ARSG: variants seen among roughly 807,000 people sequenced by gnomAD.
ARSG encodes arylsulfatase G.
In ARSG, 37 loss-of-function variants were observed where a neutral mutation model predicts 50.5. The ratio of observed to expected loss-of-function variants is 0.73; its 90% CI spans 0.56 to 0.96. The LOEUF (loss-of-function observed/expected upper bound fraction) is 0.96, where lower values mean the gene tolerates loss of function less well. Ranked by LOEUF, ARSG falls within the 50% of genes least tolerant of loss-of-function variation. ARSG has a pLI of 0.00. For missense variants in ARSG, 629 were observed against 675.3 expected (o/e 0.93, Z 0.76); for synonymous variants, 225 against 254.6 (o/e 0.88, Z 1.11).
chr17:68,318,542 G>A (rs2077160813), intron 2 of ARSG, among the ~76,000 whole-genome samples: 2 of 152,236 alleles, frequency 1.3e-5, no homozygotes. Context: ...CCCAGTGATC[G>A]TGAGAGAGAG....
At chr17:68,324,463 G>A (rs536849554) in intron 2 of ARSG, among the ~76,000 whole-genome samples, 2 of 152,148 alleles carry the variant, frequency 1.3e-5, no homozygotes, top group Non-Finnish European at 2.9e-5. Context: ...CCTGCGGACC[G>A]GCCCAGCTCC....
intron 2 of ARSG, among the ~76,000 whole-genome samples, chr17:68,336,104 G>A (rs1441015299): frequency 1.3e-5 from 2 of 151,342 alleles, no homozygotes; most frequent in Admixed American, 1.3e-4. Flanking sequence ...TCACTACGTT[G>A]GCCAGGATGG....
chr17:68,265,477 G>C (rs1260650650), intron 1 of ARSG, among the ~76,000 whole-genome samples: 1 of 152,228 alleles, frequency 6.6e-6, no homozygotes, highest in East Asian at 1.9e-4. Context: ...CTGGGCGACA[G>C]AGCAAGACTC....
intron 6 of ARSG, among the ~76,000 whole-genome samples, chr17:68,362,877 A>G (rs2079363442): frequency 6.6e-6 from 1 of 152,072 alleles, no homozygotes; most frequent in Non-Finnish European, 1.5e-5. Flanking sequence ...GAGGGTGGAA[A>G]TCATATCTAT....
Position 68,420,175 on chromosome 17 carries a change from C to T in ARSG, c.1304-14C>T. 6.2e-7 allele frequency: 1 copy of T among 1,612,552 alleles called. No individual in the cohort carries two copies. Among genetic ancestry groups the T allele is most frequent in the Non-Finnish European group, 8.5e-7 (1 of 1,179,316 alleles). On this transcript the variant is annotated splice_polypyrimidine_tract_variant and intron_variant, in intron 11 of 11. Transcript: ENST00000621439. ...TCAGGGTTAGCGAGGCATTTGTTGT[C>T]ATTCCCTCTCTAGGTGGAGCCAGGG...
At chr17:68,426,981 G>A (rs1009739723), downstream of ARSG, among the ~76,000 whole-genome samples, 6 of 152,050 alleles carry the variant, frequency 3.9e-5, no homozygotes, top group African/African-American at 1.4e-4. Context: ...TTCAAGGAGA[G>A]CACTCCACCC....
chr17:68,340,974 G>A lies in ARSG; in HGVS notation c.219-2630G>A, dbSNP rs778059509. 2.2e-4 allele frequency among the ~76,000 whole-genome samples: 34 copies of A among 151,806 alleles called. 1 individual carries two copies. The highest frequency in any genetic ancestry group is 4.0e-4 in the Non-Finnish European group (27 of 67,926). ...CTTTACCTTTTACCCTGGAAATCTC[G>A]GTTCCTGATTAGGAACATTAATATA... On this transcript the variant is annotated intron_variant, in intron 2 of 11. Transcript: ENST00000621439.
intron 5 of ARSG, among the ~76,000 whole-genome samples, chr17:68,353,522 AAAAC>A (rs996220042): frequency 6.6e-6 from 1 of 152,104 alleles, no homozygotes; most frequent in African/African-American, 2.4e-5. Flanking sequence ...TCAAAAAACA[AAAAC>A]AAAAACAAAA....
chr17:68,421,742 G>T (rs201066118), downstream of ARSG: 326 of 1,614,086 alleles, frequency 2.0e-4, no homozygotes, highest in Middle Eastern at 2.1e-3. Context: ...CTGATAGGGG[G>T]GATGTCCTGA....
chr17:68,350,646 G>A (rs1455852900), intron 4 of ARSG, among the ~76,000 whole-genome samples: 14 of 152,182 alleles, frequency 9.2e-5, no homozygotes, highest in Middle Eastern at 3.4e-3. Flanking sequence ...TTAGCCGGGC[G>A]TGGTGGCACG....
chr17:68,355,108 G>C (rs2078973581), intron 5 of ARSG, among the ~76,000 whole-genome samples: 1 of 152,194 alleles, frequency 6.6e-6, no homozygotes, highest in South Asian at 2.1e-4. Flanking sequence ...CCAGGACTGA[G>C]AGCTTGAGAT....
chr17:68,406,675 C>T (rs1008181710), intron 11 of ARSG, among the ~76,000 whole-genome samples: 2 of 152,048 alleles, frequency 1.3e-5, no homozygotes, highest in African/African-American at 4.8e-5. Flanking sequence ...CATTTGTATA[C>T]TTTTGAGGCT....
Position 68,420,662 on chromosome 17 carries a change from G to C in ARSG, c.*199G>C. ...GAGCAGCTGAGCTGCGCTGGCTCTG[G>C]GCAGGGAGTGTGCCTTAATGGGAAG... On this transcript the variant is annotated 3_prime_UTR_variant, in exon 12 of 12. Coordinates refer to ENST00000621439, the MANE Select transcript of ARSG (RefSeq NM_001267727.2). The C allele has an allele frequency of 1.5e-6, 1 of 647,762 alleles. No homozygotes were observed. Among genetic ancestry groups the C allele is most frequent in the Non-Finnish European group, 2.6e-6 (1 of 383,808 alleles). The allele number at this position is 647,762 out of a possible 1,614,324, so 40.1% of individuals were successfully genotyped here.
At chr17:68,323,381 ATGAG>A (rs1259331859) in intron 2 of ARSG, among the ~76,000 whole-genome samples, 1 of 143,284 alleles carries the variant, frequency 7.0e-6, no homozygotes, top group South Asian at 2.2e-4. Flanking sequence ...GACATACTTA[ATGAG>A]AGAGAGAGAA....
intron 1 of ARSG, among the ~76,000 whole-genome samples, chr17:68,260,429 C>G (rs1482813616): frequency 6.6e-6 from 1 of 152,160 alleles, no homozygotes; most frequent in African/African-American, 2.4e-5. Flanking sequence ...TCTGGGGTTG[C>G]TCAAAGTTGG....
At chr17:68,348,559 C>T (rs1462238784) in intron 4 of ARSG, among the ~76,000 whole-genome samples, 1 of 152,238 alleles carries the variant, frequency 6.6e-6, no homozygotes, top group Middle Eastern at 3.4e-3. Flanking sequence ...TACATCCTCT[C>T]TGCGGTGCAC....
At chr17:68,323,802 G>A (rs2077389098) in intron 2 of ARSG, among the ~76,000 whole-genome samples, 1 of 152,176 alleles carries the variant, frequency 6.6e-6, no homozygotes, top group Admixed American at 6.5e-5. Context: ...GCTGGGTGCT[G>A]TAGCTCATGC....
chr17:68,261,989 T>C (rs533768231), intron 1 of ARSG, among the ~76,000 whole-genome samples: 1 of 150,456 alleles, frequency 6.6e-6, no homozygotes, highest in African/African-American at 2.4e-5. Flanking sequence ...CCATCTCTAC[T>C]AAAAATACAA....
chr17:68,274,024 T>C (rs782376227), intron 1 of ARSG: 2 of 1,614,112 alleles, frequency 1.2e-6, no homozygotes, highest in East Asian at 4.5e-5. Context: ...CCAACATCAC[T>C]ACCAGACGGT....
Sources: gnomAD v4.1 joint callset for allele counts (sites outside exome capture counted in the v4.1 genomes callset) on GRCh38, gnomAD v4.1.1 for gene constraint, MANE v1.5 for transcripts, NCBI Gene and HGNC (gene_info 2026-07-23, HGNC 2026-07-21) for gene names.